HPSE2: variants seen among roughly 807,000 people sequenced by gnomAD.
HPSE2 encodes the protein inactive heparanase-2.
Under a neutral mutation model 60.5 loss-of-function variants are expected in HPSE2, and 38 were observed. That is an observed-to-expected ratio of 0.63 (90% CI 0.48 to 0.82). The LOEUF is 0.82. HPSE2 is among the 40% of genes least tolerant of loss of function. HPSE2 has a pLI of 0.00. For missense variants in HPSE2, 713 were observed against 740.4 expected (o/e 0.96, Z 0.43); for synonymous variants, 295 against 293.2 (o/e 1.01, Z -0.06).
chr10:98,696,292 TAAAAA>T (rs71009706), intron 5 of HPSE2, among the ~76,000 whole-genome samples: 1 of 89,658 alleles, frequency 1.1e-5, no homozygotes, highest in South Asian at 4.9e-4. Flanking sequence ...GAGGCTCCCA[TAAAAA>T]AAAAAAAAAA....
At chr10:99,086,346 CTTTTTTTTTTTT>C (rs66562418) in intron 3 of HPSE2, among the ~76,000 whole-genome samples, 1 of 83,008 alleles carries the variant, frequency 1.2e-5, no homozygotes, top group Admixed American at 1.8e-4. Flanking sequence ...AAAGTACTTT[CTTTTTTTTTTTT>C]TTTTTTTTTT....
chr10:98,748,219 C>T (rs560272031), intron 3 of HPSE2, among the ~76,000 whole-genome samples: 4 of 152,226 alleles, frequency 2.6e-5, no homozygotes, highest in Admixed American at 1.3e-4. Context: ...GCAGGAGAAT[C>T]GCTTGAACCT....
chr10:99,171,122 A>C (rs1251602468), intron 2 of HPSE2, among the ~76,000 whole-genome samples: 1 of 152,190 alleles, frequency 6.6e-6, no homozygotes. Context: ...AATCATAAAA[A>C]ACAGTCAGCA....
At chr10:98,510,903 G>A (rs1942367882) in intron 9 of HPSE2, among the ~76,000 whole-genome samples, 1 of 152,182 alleles carries the variant, frequency 6.6e-6, no homozygotes, top group East Asian at 1.9e-4. Flanking sequence ...ATTCAGAAGA[G>A]GAAATTATTT....
chr10:98,625,974 C>T (rs1946196688), intron 7 of HPSE2, among the ~76,000 whole-genome samples: 2 of 151,986 alleles, frequency 1.3e-5, no homozygotes, highest in East Asian at 3.9e-4. Context: ...GGTGTGGTGG[C>T]GGGTGCCTGT....
chr10:98,569,489 T>C (rs1318957821), intron 9 of HPSE2, among the ~76,000 whole-genome samples: 2 of 152,214 alleles, frequency 1.3e-5, no homozygotes, highest in Non-Finnish European at 2.9e-5. Context: ...AATATAGAGT[T>C]ATACCATATA....
chr10:99,136,611 A>T (rs1349993399), intron 3 of HPSE2, among the ~76,000 whole-genome samples: 2 of 152,210 alleles, frequency 1.3e-5, no homozygotes, highest in Non-Finnish European at 2.9e-5. Flanking sequence ...AACGTAATCC[A>T]CCACATGAAC....
intron 9 of HPSE2, among the ~76,000 whole-genome samples, chr10:98,515,311 T>G (rs1459343826): frequency 6.6e-6 from 1 of 152,232 alleles, no homozygotes; most frequent in South Asian, 2.1e-4. Flanking sequence ...TTAAGCTACC[T>G]ACATTCCCTT....
chr10:98,706,654 G>T (rs1223561989), intron 5 of HPSE2, among the ~76,000 whole-genome samples: 1 of 152,138 alleles, frequency 6.6e-6, no homozygotes, highest in Non-Finnish European at 1.5e-5. Flanking sequence ...TGAAAGAAGG[G>T]TAGGATTTTG....
chr10:98,713,443 C>CT (rs796118883), intron 5 of HPSE2, among the ~76,000 whole-genome samples: 11 of 150,604 alleles, frequency 7.3e-5, no homozygotes, highest in African/African-American at 2.2e-4. Context: ...AATTGTAATT[C>CT]TTTTTTTTAA....
At chr10:99,125,742 AG>A (rs1464467635) in intron 3 of HPSE2, among the ~76,000 whole-genome samples, 7 of 152,184 alleles carry the variant, frequency 4.6e-5, no homozygotes, top group African/African-American at 1.7e-4. Context: ...CCTTACCTAT[AG>A]TTGAAATGGA....
chr10:98,960,135 T>C (rs1305893135), intron 3 of HPSE2, among the ~76,000 whole-genome samples: 1 of 152,150 alleles, frequency 6.6e-6, no homozygotes, highest in African/African-American at 2.4e-5. Flanking sequence ...AGGGATGCCA[T>C]GAAATAACAT....
chr10:98,982,242 A>G (rs1019369261), intron 3 of HPSE2, among the ~76,000 whole-genome samples: 50 of 152,210 alleles, frequency 3.3e-4, no homozygotes, highest in African/African-American at 1.2e-3. Context: ...ATTTACCCAA[A>G]GAGATGCTCT....
At chr10:98,660,914 T>C (rs1320828575) in intron 6 of HPSE2, among the ~76,000 whole-genome samples, 1 of 152,208 alleles carries the variant, frequency 6.6e-6, no homozygotes, top group South Asian at 2.1e-4. Context: ...CTAGTTAGGT[T>C]CCATTATCCT....
intron 3 of HPSE2, among the ~76,000 whole-genome samples, chr10:98,842,948 T>C (rs544791660): frequency 3.3e-5 from 5 of 152,196 alleles, no homozygotes; most frequent in African/African-American, 4.8e-5. Context: ...TCATATGGTA[T>C]GCAGTCTTTT....
intron 9 of HPSE2, among the ~76,000 whole-genome samples, chr10:98,547,921 G>A (rs1182829096): frequency 6.6e-6 from 1 of 151,868 alleles, no homozygotes; most frequent in East Asian, 1.9e-4. Flanking sequence ...AGAATTACTT[G>A]AACTAGACAA....
intron 5 of HPSE2, among the ~76,000 whole-genome samples, chr10:98,721,209 C>A (rs761739856): frequency 7.1e-4 from 108 of 152,184 alleles, no homozygotes; most frequent in Non-Finnish European, 4.7e-4. Context: ...GCTAATAGGC[C>A]TATTAAGACC....
the HPSE2 span, among the ~76,000 whole-genome samples, chr10:99,260,394 G>A: frequency 4.6e-5 from 7 of 152,094 alleles, no homozygotes; most frequent in East Asian, 1.9e-4. Context: ...CCTCGCCCTC[G>A]ATTCATGAGG....
At chr10:98,484,484 G>A (rs533467481) in intron 10 of HPSE2, among the ~76,000 whole-genome samples, 128 of 152,224 alleles carry the variant, frequency 8.4e-4, no homozygotes, top group South Asian at 8.3e-4. Flanking sequence ...GTGATCACCC[G>A]CCTTGGCCTC....
Sources: allele counts gnomAD v4.1 joint callset (sites outside exome capture counted in the v4.1 genomes callset), GRCh38; gene constraint gnomAD v4.1.1; transcripts MANE v1.5; gene names NCBI Gene and HGNC (gene_info 2026-07-23, HGNC 2026-07-21).